The following ALMS1 variants were observed in gnomAD, a reference collection of about 807,000 sequenced individuals.
ALMS1 encodes centrosome-associated protein ALMS1.
A neutral mutation model predicts 352.2 loss-of-function variants in ALMS1; 271 were observed. The observed-to-expected ratio is 0.77, with a 90% confidence interval of 0.70 to 0.85. The LOEUF is 0.85. Ranked by LOEUF, ALMS1 falls within the 40% of genes least tolerant of loss-of-function variation. ALMS1 has a pLI of 0.00. For missense variants in ALMS1, 5,445 were observed against 4,870.7 expected (o/e 1.12, Z -3.51); for synonymous variants, 1,865 against 1,761.2 (o/e 1.06, Z -1.48).
rs760271173 is a variant in ALMS1, at chr2:73,599,382, A to T, written c.11548-19A>T. 2 of 1,611,512 alleles carry T rather than the reference A, an allele frequency of 1.2e-6. No homozygotes were observed. Among genetic ancestry groups the T allele is most frequent in the South Asian group, 1.1e-5 (1 of 91,060 alleles). ...ATTGACTGCAGGTAATAATAACAAGATCTCTTTTATTTTTCTAGGTAGCAA... is the reference window on the plus strand; with the variant it reads ...ATTGACTGCAGGTAATAATAACAAGTTCTCTTTTATTTTTCTAGGTAGCAA... On this transcript the variant is annotated intron_variant, in intron 16 of 22. Coordinates refer to ENST00000613296, the MANE Select transcript of ALMS1 (RefSeq NM_001378454.1).
chr2:73,550,525 CT>C, intron 13 of ALMS1, 88 bp downstream of exon 13: 2 of 1,533,052 alleles, frequency 1.3e-6, no homozygotes, highest in South Asian at 2.3e-5. Flanking sequence ...TCCTTTTTTT[CT>C]GTTTTGTTAT....
rs1328459312 is a variant in ALMS1, at chr2:73,491,190, G to A, written c.9231G>A (p.Ala3077=). The change falls in exon 10 of 23, where the codon GCG becomes GCA. Residue 3077 remains alanine (A), a synonymous_variant. Coordinates refer to ENST00000613296, the MANE Select transcript of ALMS1 (RefSeq NM_001378454.1). Reference sequence around the variant, plus strand: ...ATTCATTGGATGCTGCTTCTAAAGCGAGGATGAATAGTGAGTTTAACTTTG... The same window carrying A: ...ATTCATTGGATGCTGCTTCTAAAGCAAGGATGAATAGTGAGTTTAACTTTG... ...RFHSLDAASK[A]RMNSEFNFDL... The A allele has an allele frequency of 1.6e-5, 26 of 1,614,038 alleles. No homozygotes were observed. In the African/African-American group the frequency reaches 1.9e-4, roughly 12 times the overall value.
At chr2:73,532,455 T>G (rs1673933731) in intron 11 of ALMS1, among the ~76,000 whole-genome samples, 1 of 152,044 alleles carries the variant, frequency 6.6e-6, no homozygotes, top group Non-Finnish European at 1.5e-5. Flanking sequence ...AGACAAAAAG[T>G]TCTTATTCTT....
chr2:73,533,951 A>G (rs1321532062), intron 11 of ALMS1, among the ~76,000 whole-genome samples: 4 of 152,192 alleles, frequency 2.6e-5, no homozygotes, highest in Non-Finnish European at 5.9e-5. Flanking sequence ...ATGGGGGAGA[A>G]TAAGTATAAA....
At chr2:73,445,950 A>AT (rs1671804627) in intron 7 of ALMS1, among the ~76,000 whole-genome samples, 2 of 152,206 alleles carry the variant, frequency 1.3e-5, no homozygotes, top group Admixed American at 1.3e-4. Flanking sequence ...TAAGGACTCT[A>AT]AAAACATACC....
intron 1 of ALMS1, among the ~76,000 whole-genome samples, chr2:73,390,331 T>C (rs887737234): frequency 6.6e-6 from 1 of 152,222 alleles, no homozygotes; most frequent in Non-Finnish European, 1.5e-5. Flanking sequence ...CATCTAATGC[T>C]GCGTATTTAG....
rs534272849 is a variant in ALMS1, at chr2:73,443,638, G to A, written c.1433-4322G>A. On this transcript the variant is annotated intron_variant, in intron 7 of 22. Coordinates refer to ENST00000613296, the MANE Select transcript of ALMS1 (RefSeq NM_001378454.1). ...TTTAAGCTCTTTGAGGGTAGAGCTC[G>A]GGCTTTGCTAATATATATATTTTTG... 3.3e-5 allele frequency among the ~76,000 whole-genome samples: 5 copies of A among 152,112 alleles called. No homozygotes were observed. The South Asian group carries it at 6.2e-4, about 19-fold the overall frequency.
At chr2:73,496,113 T>C (rs1673101639) in intron 10 of ALMS1, among the ~76,000 whole-genome samples, 1 of 152,252 alleles carries the variant, frequency 6.6e-6, no homozygotes, top group South Asian at 2.1e-4. Flanking sequence ...CCTCATATCC[T>C]GGTTCACCTT....
rs374681570 is a variant in ALMS1, at chr2:73,557,355, G to A, written c.10213+1G>A. 1 of 1,614,066 alleles carries A rather than the reference G, an allele frequency of 6.2e-7. No individual in the cohort carries two copies. The highest frequency in any genetic ancestry group is 8.5e-7 in the Non-Finnish European group (1 of 1,179,962). ...GAATCTTTGCAGAAAGATACTGCAG[G>A]TAGCTAAACTGGATTGTCTGCGTAT... On this transcript the variant is annotated splice_donor_variant, in intron 14 of 22. Transcript: ENST00000613296. LOFTEE classifies it high-confidence loss of function.
At chr2:73,467,118 T>TAG (rs58553963) in intron 9 of ALMS1, among the ~76,000 whole-genome samples, 1 of 2,488 alleles carries the variant, frequency 4.0e-4, no homozygotes, top group Non-Finnish European at 8.1e-4. Flanking sequence ...AAAAATACAC[T>TAG]TCATAAAAGA....
At chr2:73,440,274 C>T (rs1009598939) in intron 7 of ALMS1, among the ~76,000 whole-genome samples, 9 of 152,164 alleles carry the variant, frequency 5.9e-5, no homozygotes, top group African/African-American at 2.2e-4. Flanking sequence ...TGAGCCAATG[C>T]ACCCGGCCCT....
chr2:73,425,234 G>T (rs1671356904), intron 5 of ALMS1, among the ~76,000 whole-genome samples: 1 of 152,092 alleles, frequency 6.6e-6, no homozygotes, highest in Non-Finnish European at 1.5e-5. Flanking sequence ...AACAAAAGAT[G>T]GATTCTTTGG....
chr2:73,519,160 TC>T (rs2103960642), intron 10 of ALMS1, among the ~76,000 whole-genome samples: 1 of 152,300 alleles, frequency 6.6e-6, no homozygotes, highest in East Asian at 1.9e-4. Context: ...TGAAATCCAG[TC>T]ACTTAGTTCA....
At chr2:73,414,985 A>T (rs1230820024) in intron 2 of ALMS1, among the ~76,000 whole-genome samples, 2 of 152,146 alleles carry the variant, frequency 1.3e-5, no homozygotes, top group African/African-American at 4.8e-5. Context: ...CCCTATACAC[A>T]TTTAGTTTTC....
chr2:73,408,519 G>A (rs1291098594), intron 1 of ALMS1, 103 bp from the exon 2 acceptor site: 1 of 1,309,072 alleles, frequency 7.6e-7, no homozygotes, highest in Non-Finnish European at 1.1e-6. Context: ...TATGTGAAAG[G>A]GCTTTATAAA....
chr2:73,575,050 C>G (rs1202272964), intron 16 of ALMS1, among the ~76,000 whole-genome samples: 1 of 152,186 alleles, frequency 6.6e-6, no homozygotes, highest in East Asian at 1.9e-4. Flanking sequence ...GCTTCTCTCT[C>G]TTAGACACAG....
intron 9 of ALMS1, among the ~76,000 whole-genome samples, chr2:73,473,894 A>G (rs1281862318): frequency 6.6e-6 from 1 of 150,632 alleles, no homozygotes. Flanking sequence ...GCATACCAAC[A>G]TATGCATTAT....
chr2:73,466,774 C>G (rs139561224), intron 9 of ALMS1, among the ~76,000 whole-genome samples: 2,169 of 152,074 alleles, frequency 0.014, 57 homozygotes, highest in African/African-American at 0.049. Flanking sequence ...AAGCTAAATA[C>G]TTAAGTATAT....
chr2:73,433,029 G>A (rs962887063), intron 7 of ALMS1, among the ~76,000 whole-genome samples: 1 of 148,220 alleles, frequency 6.7e-6, no homozygotes, highest in Non-Finnish European at 1.5e-5. Context: ...TATCTGCTGA[G>A]GGAGGTGAGT....
Sources: gnomAD v4.1 joint callset for allele counts (sites outside exome capture counted in the v4.1 genomes callset) on GRCh38, gnomAD v4.1.1 for gene constraint, MANE v1.5 for transcripts, NCBI Gene and HGNC (gene_info 2026-07-23, HGNC 2026-07-21) for gene names.